ERC2: variants seen among roughly 807,000 people sequenced by gnomAD.
The protein encoded by ERC2 is ERC protein 2.
A neutral mutation model predicts 114.8 loss-of-function variants in ERC2; 42 were observed. The observed-to-expected ratio is 0.37, with a 90% CI of 0.29 to 0.47. The LOEUF (loss-of-function observed/expected upper bound fraction) is 0.47. ERC2 is among the 20% of genes least tolerant of loss of function. The pLI, the probability that ERC2 is intolerant of heterozygous loss-of-function variation, is 0.99. For synonymous variants in ERC2, 454 were observed against 425.5 expected, an observed-to-expected ratio of 1.07 and a Z score of -0.82; for missense variants, 939 against 1,150.7, an observed-to-expected ratio of 0.82 and a Z score of 2.66.
intron 14 of ERC2, among the ~76,000 whole-genome samples, chr3:55,841,829 T>C (rs2061148151): frequency 1.3e-5 from 2 of 152,236 alleles, no homozygotes; most frequent in East Asian, 1.9e-4. Context: ...CCGCATAGTG[T>C]TGGGGATCCA....
chr3:55,618,996 C>T (rs925840107), intron 17 of ERC2, among the ~76,000 whole-genome samples: 5 of 152,058 alleles, frequency 3.3e-5, no homozygotes, highest in Admixed American at 1.3e-4. Context: ...CAGTGAGATG[C>T]GAATGGAATG....
At chr3:55,804,022 AT>A (rs1247840551) in intron 14 of ERC2, among the ~76,000 whole-genome samples, 2 of 152,146 alleles carry the variant, frequency 1.3e-5, no homozygotes, top group Non-Finnish European at 2.9e-5. Flanking sequence ...GTTATACAAG[AT>A]TCAAGCTATT....
intron 14 of ERC2, among the ~76,000 whole-genome samples, chr3:55,762,657 A>G (rs1199246436): frequency 6.6e-6 from 1 of 152,224 alleles, no homozygotes; most frequent in Non-Finnish European, 1.5e-5. Context: ...CTGAATTGCA[A>G]CTTGAAGGCA....
chr3:56,080,203 A>G lies in ERC2; in HGVS notation c.1641+614T>C, dbSNP rs554173335. On this transcript the variant is annotated intron_variant, in intron 7 of 17. Coordinates refer to ENST00000288221, the MANE Select transcript of ERC2 (RefSeq NM_015576.3). ...TACAGTAGCAAACAGAAATTCTCCA[A>G]AAGAAAATCGGGAATGCTATCACAA... 8.5e-5 allele frequency among the ~76,000 whole-genome samples: 13 copies of G among 152,308 alleles called. 1 individual carries two copies. Among genetic ancestry groups the G allele is most frequent in the African/African-American group, 2.9e-4 (12 of 41,568 alleles).
chr3:56,028,758 T>G (rs2074201075), intron 7 of ERC2, among the ~76,000 whole-genome samples: 1 of 152,086 alleles, frequency 6.6e-6, no homozygotes, highest in Non-Finnish European at 1.5e-5. Flanking sequence ...GGATTTTCTA[T>G]GTGGACAACA....
chr3:55,612,454 T>C (rs553633841), intron 17 of ERC2, among the ~76,000 whole-genome samples: 22 of 152,296 alleles, frequency 1.4e-4, no homozygotes, highest in African/African-American at 5.3e-4. Flanking sequence ...AGAAAAGGAT[T>C]TTAATGGTGT....
chr3:56,077,116 T>G (rs1273367181), intron 7 of ERC2, among the ~76,000 whole-genome samples: 1 of 152,228 alleles, frequency 6.6e-6, no homozygotes, highest in African/African-American at 2.4e-5. Context: ...GAATGCAGTC[T>G]AAGCTCCAAG....
At chr3:56,411,051 G>GAAAAA (rs61081379) in intron 2 of ERC2, among the ~76,000 whole-genome samples, 31 of 82,162 alleles carry the variant, frequency 3.8e-4, no homozygotes, top group South Asian at 3.3e-3. Context: ...AATTATCTCA[G>GAAAAA]AAAAAAAAAA....
At chr3:55,538,143 T>C (rs894622974) in intron 17 of ERC2, among the ~76,000 whole-genome samples, 1 of 152,226 alleles carries the variant, frequency 6.6e-6, no homozygotes, top group African/African-American at 2.4e-5. Flanking sequence ...GGGGTTTTTG[T>C]CCCTGGCCTT....
intron 2 of ERC2, among the ~76,000 whole-genome samples, chr3:56,311,255 C>CTCTCTATATATATA (rs1314796268): frequency 1.3e-5 from 1 of 79,064 alleles, no homozygotes; most frequent in African/African-American, 5.7e-5. Flanking sequence ...CTCTCTCTCT[C>CTCTCTATATATATA]TATATATATA....
At chr3:56,232,099 C>A (rs1575978558) in intron 3 of ERC2, among the ~76,000 whole-genome samples, 1 of 149,454 alleles carries the variant, frequency 6.7e-6, no homozygotes, top group East Asian at 2.0e-4. Context: ...GCCTCCCAAG[C>A]AGCTGGGACT....
intron 6 of ERC2, among the ~76,000 whole-genome samples, chr3:56,092,496 T>C (rs1265282305): frequency 6.6e-6 from 1 of 152,190 alleles, no homozygotes; most frequent in African/African-American, 2.4e-5. Flanking sequence ...TGAAAACACA[T>C]GGGAATTGTA....
At chr3:56,263,900 T>C (rs1056351208) in intron 3 of ERC2, among the ~76,000 whole-genome samples, 1 of 151,840 alleles carries the variant, frequency 6.6e-6, no homozygotes. Flanking sequence ...GAAGCAAAAA[T>C]CCTCAATAAA....
intron 17 of ERC2, among the ~76,000 whole-genome samples, chr3:55,561,867 G>C (rs1018022052): frequency 6.6e-6 from 1 of 152,110 alleles, no homozygotes; most frequent in Non-Finnish European, 1.5e-5. Flanking sequence ...CAGAACCTAA[G>C]CCAGCCCAAT....
At chr3:55,809,822 G>T (rs1321991123) in intron 14 of ERC2, among the ~76,000 whole-genome samples, 1 of 152,082 alleles carries the variant, frequency 6.6e-6, no homozygotes, top group Non-Finnish European at 1.5e-5. Flanking sequence ...CCCCCAAACT[G>T]CAGGGAAAAT....
At chr3:56,145,723 C>A (rs1032314282) in intron 5 of ERC2, among the ~76,000 whole-genome samples, 4 of 152,186 alleles carry the variant, frequency 2.6e-5, no homozygotes, top group Non-Finnish European at 5.9e-5. Context: ...AACCCATCTT[C>A]TACCTTTCCA....
chr3:56,417,148 G>A lies in ERC2; in HGVS notation c.657+17203C>T, dbSNP rs186142592. On this transcript the variant is annotated intron_variant, in intron 2 of 17. Transcript: ENST00000288221. The stretch of plus-strand genomic sequence containing the variant: ...TCCTCTGAGTCCTATGTTTCTAGCT[G>A]GTTGGATTAATATATATAGCTTGCT... 8.5e-5 allele frequency among the ~76,000 whole-genome samples: 13 copies of A among 152,230 alleles called. No homozygotes were observed. In the East Asian group the frequency reaches 1.9e-3, roughly 23 times the overall value.
chr3:56,445,166 T>C (rs533389758), intron 1 of ERC2, among the ~76,000 whole-genome samples: 2 of 152,304 alleles, frequency 1.3e-5, no homozygotes, highest in Non-Finnish European at 2.9e-5. Flanking sequence ...AACCAGCAGC[T>C]GCCCCTTCAA....
intron 14 of ERC2, among the ~76,000 whole-genome samples, chr3:55,855,567 C>T (rs987062706): frequency 6.6e-6 from 1 of 152,190 alleles, no homozygotes; most frequent in African/African-American, 2.4e-5. Flanking sequence ...ACCATTTAAA[C>T]CATACATATC....
Sources: gnomAD v4.1 joint callset for allele counts (sites outside exome capture counted in the v4.1 genomes callset) on GRCh38, gnomAD v4.1.1 for gene constraint, MANE v1.5 for transcripts, NCBI Gene and HGNC (gene_info 2026-07-23, HGNC 2026-07-21) for gene names.